The following CHSY3 variants were observed in gnomAD, a reference collection of about 807,000 sequenced individuals.
CHSY3 encodes the protein N-acetylgalactosaminyl-proteoglycan 3-beta-glucuronosyltransferase 3.
CHSY3 carries 35 observed loss-of-function variants against 67.2 expected under a neutral mutation model. The ratio of observed to expected loss-of-function variants is 0.52; its 90% CI spans 0.40 to 0.69. The LOEUF (loss-of-function observed/expected upper bound fraction) is 0.69, where lower values mean the gene tolerates loss of function less well. Among genes scored for constraint, CHSY3 ranks in the 30% least tolerant of loss-of-function variants. CHSY3 has a pLI of 0.00. For synonymous variants in CHSY3, 474 were observed against 434.7 expected (o/e 1.09, Z -1.12); for missense variants, 1,069 against 1,138.5 (o/e 0.94, Z 0.88).
chr5:129,998,897 T>C (rs1027500346), intron 2 of CHSY3, among the ~76,000 whole-genome samples: 4 of 152,112 alleles, frequency 2.6e-5, no homozygotes, highest in African/African-American at 9.6e-5. Flanking sequence ...CCATGTTTTT[T>C]ATGCAGAATT....
chr5:129,944,959 C>CA (rs1273058906), intron 2 of CHSY3, among the ~76,000 whole-genome samples: 17 of 152,186 alleles, frequency 1.1e-4, no homozygotes, highest in African/African-American at 4.1e-4. Context: ...AAAGGATTGT[C>CA]ACTTCCTTAA....
At chr5:130,104,748 A>G (rs1039114772) in intron 2 of CHSY3, among the ~76,000 whole-genome samples, 1 of 151,942 alleles carries the variant, frequency 6.6e-6, no homozygotes, top group Non-Finnish European at 1.5e-5. Flanking sequence ...TTAACAAAAA[A>G]GTATAAGTGC....
At chr5:130,134,839 T>TC (rs1458997297) in intron 2 of CHSY3, among the ~76,000 whole-genome samples, 6 of 141,556 alleles carry the variant, frequency 4.2e-5, no homozygotes, top group South Asian at 2.1e-4. Context: ...ACGTTTTACT[T>TC]CCCACCCCCC....
chr5:130,113,929 T>C (rs1767677678), intron 2 of CHSY3, among the ~76,000 whole-genome samples: 1 of 152,178 alleles, frequency 6.6e-6, no homozygotes, highest in Admixed American at 6.6e-5. Flanking sequence ...CCTTTTGTCA[T>C]TGCCACCATG....
Position 130,184,330 on chromosome 5 carries a change from C to T in CHSY3, c.1188C>T (p.Asn396=), listed in dbSNP as rs908546652. The change falls in exon 3 of 3, where the codon AAC becomes AAT. Residue 396 remains asparagine, a synonymous_variant. Transcript: ENST00000305031. ...ATGCAGCCATAACACTTCATCCCAA[C>T]AAAAGGCCTGCATACCAATACAGGC... ...KIHAAITLHP[N]KRPAYQYRLH... 4.3e-6 allele frequency: 7 copies of T among 1,614,014 alleles called. No homozygotes were observed. In the African/African-American group the frequency reaches 8.0e-5, roughly 18 times the overall value.
chr5:129,918,785 A>G (rs1280994024), intron 2 of CHSY3, among the ~76,000 whole-genome samples: 1 of 148,386 alleles, frequency 6.7e-6, no homozygotes, highest in Non-Finnish European at 1.5e-5. Context: ...TAGATCATAC[A>G]TTGTAGATCA....
chr5:129,928,178 C>T (rs1400110935), intron 2 of CHSY3, among the ~76,000 whole-genome samples: 1 of 150,300 alleles, frequency 6.7e-6, no homozygotes, highest in Non-Finnish European at 1.5e-5. Flanking sequence ...TGTTATCTTT[C>T]CTGATCCTCC....
At chr5:130,100,541 T>C (rs1440452975) in intron 2 of CHSY3, among the ~76,000 whole-genome samples, 1 of 152,116 alleles carries the variant, frequency 6.6e-6, no homozygotes. Flanking sequence ...GTCAGCAGAT[T>C]ATTGATTTTT....
intron 2 of CHSY3, among the ~76,000 whole-genome samples, chr5:130,160,904 T>TA (rs1346057612): frequency 1.4e-5 from 2 of 141,046 alleles, no homozygotes; most frequent in African/African-American, 2.9e-5. Context: ...TATTTTTTTT[T>TA]TTTTATTTTT....
intron 1 of CHSY3, among the ~76,000 whole-genome samples, chr5:129,906,565 C>T (rs1760310864): frequency 6.6e-6 from 1 of 152,144 alleles, no homozygotes; most frequent in African/African-American, 2.4e-5. Context: ...GGTCTTTTTC[C>T]CGGAATGTGG....
intron 2 of CHSY3, among the ~76,000 whole-genome samples, chr5:130,097,467 C>T (rs892711397): frequency 2.6e-5 from 4 of 152,168 alleles, no homozygotes; most frequent in African/African-American, 9.7e-5. Flanking sequence ...GGCTGGGACT[C>T]TCCTGCTACC....
At chr5:129,937,500 C>G (rs1390695276) in intron 2 of CHSY3, among the ~76,000 whole-genome samples, 1 of 152,114 alleles carries the variant, frequency 6.6e-6, no homozygotes, top group East Asian at 1.9e-4. Context: ...TCCCAAGTCT[C>G]ATGTCCTTCT....
chr5:130,131,152 G>C (rs1188353063), intron 2 of CHSY3, among the ~76,000 whole-genome samples: 2 of 152,138 alleles, frequency 1.3e-5, no homozygotes, highest in Non-Finnish European at 2.9e-5. Context: ...GCCCAATTTT[G>C]TTTCTTCAGA....
chr5:130,002,014 A>C (rs2149639525), intron 2 of CHSY3: 1 of 876,214 alleles, frequency 1.1e-6, no homozygotes, highest in South Asian at 5.2e-5. Context: ...CTACTCTCTA[A>C]GTCCTTTTTC....
intron 2 of CHSY3, among the ~76,000 whole-genome samples, chr5:130,045,390 T>C (rs966227870): frequency 2.0e-5 from 3 of 152,098 alleles, no homozygotes; most frequent in African/African-American, 7.2e-5. Context: ...TTAGTGATCA[T>C]AGACATGGGC....
In CHSY3 at chr5:130,087,414, A is replaced by G. The variant is rs1010486135; in HGVS notation, c.1087-96815A>G. ...AATAAAGGTATTCAATTAGGAAAAG[A>G]GGAAGTCAAATTGTCCCTGTTTGCA... On this transcript the variant is annotated intron_variant, in intron 2 of 2. Coordinates refer to ENST00000305031, the MANE Select transcript of CHSY3 (RefSeq NM_175856.5). Among the ~76,000 whole-genome samples, 91 of 152,276 alleles carry G rather than the reference A, an allele frequency of 6.0e-4. 1 individual carries two copies. The highest frequency in any genetic ancestry group is 6.8e-3 in the Middle Eastern group (2 of 294).
At position 129,905,103 on chromosome 5, in the gene CHSY3, G is replaced by A; in HGVS notation, c.274G>A (p.Ala92Thr). 6.5e-7 allele frequency: 1 copy of A among 1,540,820 alleles called. No homozygotes were observed. The highest frequency in any genetic ancestry group is 8.7e-7 in the Non-Finnish European group (1 of 1,149,410). ...CCAGGGGCCACCGCTGCCCGAGGCA[G>A]CACCCGGGATCACCAGTTTTCGAAG... ...DLQGPPLPEA[A>T]PGITSFRSSP... The change falls in exon 1 of 3, where the codon GCA becomes ACA. Residue 92 changes from alanine to threonine, a missense_variant. Around this residue, in one of 5 missense-constraint regions of CHSY3, gnomAD observed 309 missense variants for 262.5 expected, o/e 1.18. Coordinates refer to ENST00000305031, the MANE Select transcript of CHSY3 (RefSeq NM_175856.5).
intron 2 of CHSY3, among the ~76,000 whole-genome samples, chr5:130,081,915 A>G (rs1347320308): frequency 3.3e-5 from 5 of 152,212 alleles, no homozygotes; most frequent in African/African-American, 1.2e-4. Flanking sequence ...CTTTTTAAAT[A>G]TCTGTCTCAA....
chr5:130,048,575 G>T (rs1765225551), intron 2 of CHSY3, among the ~76,000 whole-genome samples: 1 of 152,050 alleles, frequency 6.6e-6, no homozygotes, highest in Admixed American at 6.6e-5. Flanking sequence ...GCAGATTTTT[G>T]AAGGTGCTCG....
Sources: gnomAD v4.1 joint callset for allele counts (sites outside exome capture counted in the v4.1 genomes callset) on GRCh38, gnomAD v4.1.1 for gene constraint, gnomAD v4.1.1 regional missense constraint, MANE v1.5 for transcripts, NCBI Gene and HGNC (gene_info 2026-07-23, HGNC 2026-07-21) for gene names.